Variants in WWOX observed in about 807,000 individuals in gnomAD.
WWOX encodes WW domain containing oxidoreductase, also known as WW domain-containing oxidoreductase.
Under a neutral mutation model 46.2 loss-of-function variants are expected in WWOX, and 69 were observed. That is an observed-to-expected ratio of 1.49 (90% confidence interval 1.23 to 1.82). The LOEUF (loss-of-function observed/expected upper bound fraction) is 1.82. WWOX is among the 40% of genes most tolerant of loss of function. The pLI is 0.00. For synonymous variants in WWOX, 359 were observed against 202.6 expected (o/e 1.77, Z -6.56); for missense variants, 919 against 542.6 (o/e 1.69, Z -6.89).
intron 8 of WWOX, among the ~76,000 whole-genome samples, chr16:78,989,505 A>G (rs759307431): frequency 6.6e-6 from 1 of 152,110 alleles, no homozygotes; most frequent in Admixed American, 6.6e-5. Context: ...CTCCACCACC[A>G]GTCAAAGGTA....
At chr16:78,599,915 G>C (rs531880796) in intron 8 of WWOX, among the ~76,000 whole-genome samples, 1 of 152,258 alleles carries the variant, frequency 6.6e-6, no homozygotes, top group South Asian at 2.1e-4. Flanking sequence ...GATGCCGTGG[G>C]GGTGTATTAG....
chr16:78,550,187 T>C (rs2044141677), intron 8 of WWOX, among the ~76,000 whole-genome samples: 3 of 152,228 alleles, frequency 2.0e-5, no homozygotes, highest in Admixed American at 2.0e-4. Context: ...TCATTAAAAG[T>C]TCTCACTGGA....
chr16:78,954,601 G>C (rs2046127618), intron 8 of WWOX, among the ~76,000 whole-genome samples: 1 of 152,166 alleles, frequency 6.6e-6, no homozygotes, highest in African/African-American at 2.4e-5. Flanking sequence ...GCTGGAAACA[G>C]ACACATAAAT....
intron 8 of WWOX, among the ~76,000 whole-genome samples, chr16:78,727,719 G>C (rs895010466): frequency 6.6e-5 from 10 of 152,074 alleles, no homozygotes; most frequent in Admixed American, 2.0e-4. Context: ...GTGCTGTGTG[G>C]GGAGGACTTT....
intron 8 of WWOX, among the ~76,000 whole-genome samples, chr16:79,197,202 C>G (rs566054579): frequency 5.3e-5 from 8 of 152,156 alleles, no homozygotes; most frequent in South Asian, 2.1e-4. Flanking sequence ...TTTATACATT[C>G]CCACAGTGCC....
At chr16:78,258,213 A>AGTC (rs1296554989) in intron 5 of WWOX, among the ~76,000 whole-genome samples, 1 of 152,204 alleles carries the variant, frequency 6.6e-6, no homozygotes, top group Non-Finnish European at 1.5e-5. Flanking sequence ...AAAACAAACC[A>AGTC]GTCATATCAT....
intron 4 of WWOX, among the ~76,000 whole-genome samples, chr16:78,117,039 A>G (rs1330672397): frequency 1.3e-5 from 2 of 152,340 alleles, no homozygotes; most frequent in Admixed American, 6.5e-5. Flanking sequence ...TTAGATACAT[A>G]AGTCTTGATG....
chr16:78,684,297 G>A (rs2047804532), intron 8 of WWOX, among the ~76,000 whole-genome samples: 1 of 152,204 alleles, frequency 6.6e-6, no homozygotes, highest in Non-Finnish European at 1.5e-5. Flanking sequence ...TGTACTCAGA[G>A]TGGGGAAGGG....
At chr16:78,691,108 A>T (rs2047977061) in intron 8 of WWOX, 1 of 625,596 alleles carries the variant, frequency 1.6e-6, no homozygotes, top group Non-Finnish European at 2.9e-6. Context: ...AGTGCTTTGA[A>T]TACCAGTCGT....
At chr16:78,111,893 T>C in intron 3 of WWOX, 1 of 163,680 alleles carries the variant, frequency 6.1e-6, no homozygotes, top group Non-Finnish European at 1.3e-5. Flanking sequence ...GGGCCCTCTA[T>C]CCTGTAATCA....
intron 8 of WWOX, among the ~76,000 whole-genome samples, chr16:78,880,340 G>A (rs2044317987): frequency 6.6e-6 from 1 of 152,170 alleles, no homozygotes; most frequent in Admixed American, 6.5e-5. Context: ...AAATTAGACT[G>A]TCACCTGCTT....
intron 8 of WWOX, chr16:79,110,620 C>G (rs2049398798): frequency 1.3e-5 from 2 of 152,244 alleles, no homozygotes; most frequent in Admixed American, 6.5e-5. Flanking sequence ...TCCGTCCCCA[C>G]TCTGTCTCTC....
intron 8 of WWOX, among the ~76,000 whole-genome samples, chr16:78,867,800 A>C (rs973956324): frequency 2.0e-5 from 3 of 152,030 alleles, no homozygotes; most frequent in African/African-American, 7.3e-5. Flanking sequence ...GCCTTTTCTG[A>C]CCTCATCGCT....
intron 8 of WWOX, among the ~76,000 whole-genome samples, chr16:78,522,787 G>T (rs1490858399): frequency 3.3e-5 from 5 of 152,182 alleles, no homozygotes; most frequent in African/African-American, 1.2e-4. Context: ...AAATCTAACA[G>T]TGGGCCAGGC....
intron 8 of WWOX, among the ~76,000 whole-genome samples, chr16:78,782,040 ACT>A (rs2050340223): frequency 1.3e-5 from 2 of 151,958 alleles, no homozygotes; most frequent in Admixed American, 1.3e-4. Flanking sequence ...ATTTTGGTGA[ACT>A]CTCTGTCTTT....
At chr16:78,389,497 G>A (rs1020894360) in intron 6 of WWOX, among the ~76,000 whole-genome samples, 12 of 152,142 alleles carry the variant, frequency 7.9e-5, no homozygotes, top group African/African-American at 2.7e-4. Flanking sequence ...GAACAGCAGC[G>A]GAGTCAGCAG....
At chr16:78,688,743 G>A (rs1439491888) in intron 8 of WWOX, among the ~76,000 whole-genome samples, 2 of 152,154 alleles carry the variant, frequency 1.3e-5, no homozygotes, top group Non-Finnish European at 2.9e-5. Context: ...GTTAGTGATA[G>A]GGTTCGGCTG....
chr16:78,469,664 G>C (rs1015309616), intron 8 of WWOX, among the ~76,000 whole-genome samples: 13 of 152,180 alleles, frequency 8.5e-5, no homozygotes, highest in Admixed American at 8.5e-4. Context: ...AGATAGTGGG[G>C]AATAGTCTAT....
At chr16:78,472,991 G>A (rs866192663) in intron 8 of WWOX, among the ~76,000 whole-genome samples, 5 of 152,152 alleles carry the variant, frequency 3.3e-5, no homozygotes, top group East Asian at 1.9e-4. Context: ...TTTTTGTGCC[G>A]CCTGCAGGAG....
Sources: gnomAD v4.1 joint callset for allele counts (sites outside exome capture counted in the v4.1 genomes callset) on GRCh38, gnomAD v4.1.1 for gene constraint, MANE v1.5 for transcripts, NCBI Gene and HGNC (gene_info 2026-07-23, HGNC 2026-07-21) for gene names.